LHPP: variants seen among roughly 807,000 people sequenced by gnomAD.
LHPP encodes the protein hLHPP.
LHPP carries 24 observed loss-of-function variants against 30.3 expected under a neutral mutation model. That is an observed-to-expected ratio of 0.79 (90% CI 0.57 to 1.11). The LOEUF (loss-of-function observed/expected upper bound fraction) is 1.11, where lower values mean the gene tolerates loss of function less well. Among genes scored for constraint, LHPP ranks in the 50% most tolerant of loss-of-function variants. LHPP has a pLI of 0.00. For synonymous variants in LHPP, 150 were observed against 157.1 expected (o/e 0.95, Z 0.34); for missense variants, 356 against 367.2 (o/e 0.97, Z 0.25).
intron 2 of LHPP, among the ~76,000 whole-genome samples, chr10:124,485,699 C>A (rs1323711060): frequency 6.6e-6 from 1 of 151,866 alleles, no homozygotes; most frequent in African/African-American, 2.4e-5. Context: ...TTCCCTGGTT[C>A]AAGCGATTCT....
intron 6 of LHPP, among the ~76,000 whole-genome samples, chr10:124,549,710 C>G (rs1955431497): frequency 6.6e-6 from 1 of 152,240 alleles, no homozygotes; most frequent in Non-Finnish European, 1.5e-5. Flanking sequence ...GAAGGGGCTG[C>G]CAGGCTGGGC....
rs1208057624 is a variant in LHPP at position 124,541,035 on chromosome 10, A to G, written c.716+23764A>G. ...AAATAATAATTCAAAAATCCATTAAATTATTTAACAGCTTTTTTAATGGAG... is the reference window on the plus strand; with the variant it reads ...AAATAATAATTCAAAAATCCATTAAGTTATTTAACAGCTTTTTTAATGGAG... On this transcript the variant is annotated intron_variant, in intron 6 of 6. Transcript: ENST00000368842. The surrounding 1 kb of genome is among the most constrained non-coding windows in gnomAD (Gnocchi z 4.2). Among the ~76,000 whole-genome samples the G allele has an allele frequency of 6.6e-6, 1 of 152,240 alleles. No homozygotes were observed. The highest frequency in any genetic ancestry group is 1.5e-5 in the Non-Finnish European group (1 of 68,038).
chr10:124,465,215 G>C (rs1470626446), intron 1 of LHPP, among the ~76,000 whole-genome samples: 1 of 152,054 alleles, frequency 6.6e-6, no homozygotes, highest in African/African-American at 2.4e-5. Context: ...GCGCATTCCA[G>C]GCAGAAGGAA....
chr10:124,533,433 C>T (rs1435870517), intron 6 of LHPP, among the ~76,000 whole-genome samples: 1 of 152,124 alleles, frequency 6.6e-6, no homozygotes, highest in Non-Finnish European at 1.5e-5. Flanking sequence ...GAGCGTCTGC[C>T]CAAGCACAGC....
chr10:124,567,798 G>A (rs1948516856), intron 6 of LHPP, among the ~76,000 whole-genome samples: 2 of 152,264 alleles, frequency 1.3e-5, no homozygotes, highest in Admixed American at 1.3e-4. Context: ...GGACACACAT[G>A]CGCATGCATG....
At position 124,527,269 on chromosome 10, in the gene LHPP, C is replaced by G. The variant is rs536206084; in HGVS notation, c.716+9998C>G. On this transcript the variant is annotated intron_variant, in intron 6 of 6. Transcript: ENST00000368842. ...GCATCAGGGAATCTGCATTTTTGAC[C>G]CTTTGATTGCTACATCTTTTCCAGC... 2.6e-4 allele frequency among the ~76,000 whole-genome samples: 39 copies of G among 152,328 alleles called. No individual in the cohort carries two copies. In the East Asian group the frequency reaches 7.3e-3, roughly 29 times the overall value.
rs972423301 is a variant in LHPP, at chr10:124,590,033, G to T, written c.717-23231G>T. Among the ~76,000 whole-genome samples, 1 of 151,856 alleles carries T rather than the reference G, an allele frequency of 6.6e-6. No individual in the cohort carries two copies. Among genetic ancestry groups the T allele is most frequent in the East Asian group, 1.9e-4 (1 of 5,148 alleles). Reference sequence around the variant, plus strand: ...CCATCCCACCACTCCACCGCCCCCCGCCCTTAGAAAAATAAATGCGTGATT... The same window carrying T: ...CCATCCCACCACTCCACCGCCCCCCTCCCTTAGAAAAATAAATGCGTGATT... On this transcript the variant is annotated intron_variant, in intron 6 of 6. Transcript: ENST00000368842. The surrounding 1 kb of genome is among the most constrained non-coding windows in gnomAD (Gnocchi z 4.3).
In LHPP at chr10:124,592,919, C is replaced by T. The variant is rs1948899019; in HGVS notation, c.717-20345C>T. On this transcript the variant is annotated intron_variant, in intron 6 of 6. Transcript: ENST00000368842. The surrounding 1 kb of genome is among the most constrained non-coding windows in gnomAD (Gnocchi z 6.2). ...TCGGCCCAGTGTGGGGCGCACCGCCCCAGGCAGGCTGGCGTCCCGGGGGCC... is the reference window on the plus strand; with the variant it reads ...TCGGCCCAGTGTGGGGCGCACCGCCTCAGGCAGGCTGGCGTCCCGGGGGCC... Among the ~76,000 whole-genome samples, 1 of 152,212 alleles carries T rather than the reference C, an allele frequency of 6.6e-6. No individual in the cohort carries two copies. The highest frequency in any genetic ancestry group is 2.1e-4 in the South Asian group (1 of 4,830).
At chr10:124,543,369 G>T (rs1470566734) in intron 6 of LHPP, among the ~76,000 whole-genome samples, 1 of 152,252 alleles carries the variant, frequency 6.6e-6, no homozygotes. Flanking sequence ...GCATCCCACA[G>T]CCATCTTTCC....
chr10:124,597,959 A>G (rs775354034), intron 6 of LHPP, among the ~76,000 whole-genome samples: 64 of 152,270 alleles, frequency 4.2e-4, no homozygotes, highest in Non-Finnish European at 6.8e-4. Flanking sequence ...CGAGCCTTTT[A>G]GGTGAGCCCT....
At chr10:124,612,983 C>T in intron 6 of LHPP, 1 of 503,544 alleles carries the variant, frequency 2.0e-6, no homozygotes, top group South Asian at 2.2e-5. Context: ...CCAGAGGGAG[C>T]TGGGCCGGCT....
intron 6 of LHPP, among the ~76,000 whole-genome samples, chr10:124,556,436 C>T (rs1413392849): frequency 6.6e-6 from 1 of 152,248 alleles, no homozygotes; most frequent in Non-Finnish European, 1.5e-5. Flanking sequence ...TGGTTAGATG[C>T]TCCATGTGTT....
chr10:124,527,758 G>A (rs11245261), intron 6 of LHPP, among the ~76,000 whole-genome samples: 75,698 of 151,584 alleles, frequency 0.5, 19,239 homozygotes, highest in South Asian at 0.68. Context: ...AACCTTGGAC[G>A]TGATCTCTTT....
chr10:124,508,068 GGGCATCAGTCCTGACTATAGGGGTCT>G (rs1395741999), intron 5 of LHPP, among the ~76,000 whole-genome samples: 1 of 151,980 alleles, frequency 6.6e-6, no homozygotes, highest in African/African-American at 2.4e-5. Flanking sequence ...CTGATTCTCA[GGGCATCAGTCCTGACTATAGGGGTCT>G]GGGGACAGTC....
In LHPP at chr10:124,461,945, G is replaced by A. The variant is rs940169629; in HGVS notation, c.83G>A (p.Gly28Asp). Reference protein sequence around the residue: ...ISGVLYDSGAGGGTAIAGSVE... With the variant: ...ISGVLYDSGADGGTAIAGSVE... Reference sequence around the variant, plus strand: ...GGCGTGCTGTACGACAGCGGCGCGGGCGGCGGCACGGCCATCGCCGGCTCG... The same window carrying A: ...GGCGTGCTGTACGACAGCGGCGCGGACGGCGGCACGGCCATCGCCGGCTCG... Residue 28 changes from glycine to aspartate, a missense_variant, in exon 1 of 7, where the codon GGC becomes GAC. Transcript: ENST00000368842. The A allele has an allele frequency of 1.6e-6, 2 of 1,236,468 alleles. No homozygotes were observed. Among genetic ancestry groups the A allele is most frequent in the African/African-American group, 1.6e-5 (1 of 64,466 alleles). The allele number at this position is 1,236,468 out of a possible 1,614,324, so 76.6% of individuals were successfully genotyped here.
intron 5 of LHPP, among the ~76,000 whole-genome samples, chr10:124,515,735 G>A (rs948087989): frequency 2.0e-5 from 3 of 152,224 alleles, no homozygotes; most frequent in East Asian, 1.9e-4. Flanking sequence ...TGAAGCCAGC[G>A]GCTTCTGAGA....
intron 6 of LHPP, among the ~76,000 whole-genome samples, chr10:124,560,869 C>T (rs969487344): frequency 6.6e-6 from 1 of 152,164 alleles, no homozygotes; most frequent in African/African-American, 2.4e-5. Context: ...AAATCAAAAC[C>T]GTGAAGAGCA....
chr10:124,538,433 GC>G (rs1176882614), intron 6 of LHPP, among the ~76,000 whole-genome samples: 1 of 152,190 alleles, frequency 6.6e-6, no homozygotes, highest in African/African-American at 2.4e-5. Flanking sequence ...CATCTGTAGT[GC>G]CCACTCCAGT....
chr10:124,484,117 G>T, intron 1 of LHPP, 22 bp from the exon 2 acceptor site: 1 of 1,611,080 alleles, frequency 6.2e-7, no homozygotes, highest in Non-Finnish European at 8.5e-7. Context: ...GACTTCCCGG[G>T]CCTGTGTCTC....
Sources: gnomAD v4.1 joint callset for allele counts (sites outside exome capture counted in the v4.1 genomes callset) on GRCh38, gnomAD v4.1.1 for gene constraint, Gnocchi (gnomAD v3.1) non-coding constraint, MANE v1.5 for transcripts, NCBI Gene and HGNC (gene_info 2026-07-23, HGNC 2026-07-21) for gene names.